SOCS7: variants seen among roughly 807,000 people sequenced by gnomAD.
The protein encoded by SOCS7 is suppressor of cytokine signaling 7.
Under a neutral mutation model 58.9 loss-of-function variants are expected in SOCS7, and 18 were observed. The observed-to-expected ratio is 0.31, with a 90% CI of 0.21 to 0.45. The LOEUF (loss-of-function observed/expected upper bound fraction) is 0.45, where lower values mean the gene tolerates loss of function less well. Ranked by LOEUF, SOCS7 falls within the 20% of genes least tolerant of loss-of-function variation. The pLI is 1.00. For missense variants in SOCS7, 667 were observed against 837.3 expected (o/e 0.80, Z 2.51); for synonymous variants, 388 against 364.3 (o/e 1.06, Z -0.74).
At chr17:38,395,562 A>G in intron 8 of SOCS7, 118 bp downstream of exon 8, 1 of 1,108,204 alleles carries the variant, frequency 9.0e-7, no homozygotes, top group East Asian at 2.4e-5. Flanking sequence ...AAATATTTGC[A>G]GATGTCATTC....
intron 9 of SOCS7, among the ~76,000 whole-genome samples, chr17:38,399,144 A>G (rs2038285666): frequency 6.6e-6 from 1 of 152,096 alleles, no homozygotes; most frequent in Admixed American, 6.5e-5. Flanking sequence ...GCCAGGTTCA[A>G]AAGGGGTTAC....
At chr17:38,369,438 G>T (rs1200184713) in intron 6 of SOCS7, among the ~76,000 whole-genome samples, 1 of 152,200 alleles carries the variant, frequency 6.6e-6, no homozygotes, top group East Asian at 1.9e-4. Context: ...ACCTGGGAAT[G>T]AATTAGATAA....
chr17:38,387,893 C>A (rs2038101433), intron 7 of SOCS7, among the ~76,000 whole-genome samples: 1 of 150,980 alleles, frequency 6.6e-6, no homozygotes, highest in Non-Finnish European at 1.5e-5. Context: ...CCCCAGCCTC[C>A]CATGTAGCTG....
rs972118820 is a variant in SOCS7 at position 38,400,887 on chromosome 17, G to A, written c.*1405G>A. 5.3e-5 allele frequency: 8 copies of A among 152,230 alleles called. No individual in the cohort carries two copies. Among genetic ancestry groups the A allele is most frequent in the African/African-American group, 1.9e-4 (8 of 41,448 alleles). 9.4% of individuals were successfully genotyped at this position (152,230 alleles called of 1,614,324 possible). A position where few individuals can be genotyped will look rare whatever the true frequency, so the allele number is the denominator to read the frequency against. On this transcript the variant is annotated 3_prime_UTR_variant, in exon 10 of 10. Transcript: ENST00000612932. Reference sequence around the variant, plus strand: ...TTGCTTTCTTATAGAGCTGCTCTGGGGAGAGGTTTGCTATTGAGATGTAAC... The same window carrying A: ...TTGCTTTCTTATAGAGCTGCTCTGGAGAGAGGTTTGCTATTGAGATGTAAC...
intron 7 of SOCS7, among the ~76,000 whole-genome samples, chr17:38,381,946 CAAAA>C (rs55949628): frequency 5.7e-4 from 10 of 17,662 alleles, no homozygotes; most frequent in East Asian, 3.5e-3. Flanking sequence ...GACTCTGTCT[CAAAA>C]AAAAAAAAAA....
At chr17:38,391,599 C>G (rs1004513188) in intron 7 of SOCS7, among the ~76,000 whole-genome samples, 1 of 152,012 alleles carries the variant, frequency 6.6e-6, no homozygotes, top group African/African-American at 2.4e-5. Context: ...GTCTCCCTCC[C>G]TATGTTGCCC....
chr17:38,386,114 C>G (rs1597705872), intron 7 of SOCS7, among the ~76,000 whole-genome samples: 2 of 151,926 alleles, frequency 1.3e-5, no homozygotes, highest in East Asian at 3.9e-4. Context: ...CACCTGAGGT[C>G]AAGAGTTTGA....
chr17:38,382,288 C>T (rs972324721), intron 7 of SOCS7, among the ~76,000 whole-genome samples: 1 of 151,406 alleles, frequency 6.6e-6, no homozygotes, highest in Admixed American at 6.6e-5. Context: ...AACAAAAAAG[C>T]CTAGCCACAT....
intron 6 of SOCS7, among the ~76,000 whole-genome samples, chr17:38,376,500 G>C (rs988895542): frequency 6.6e-6 from 1 of 152,118 alleles, no homozygotes; most frequent in Non-Finnish European, 1.5e-5. Flanking sequence ...GGGAGGCCGA[G>C]GCGAGTGGAT....
rs1281619203 is a variant in SOCS7 at position 38,404,861 on chromosome 17, T to G, written c.*5379T>G. On this transcript the variant is annotated 3_prime_UTR_variant, in exon 10 of 10. Transcript: ENST00000612932. ...GGTAGGGTCCAGGTGCCACTTTGGGTAGCTGGCTGTTGGAATGCCCACACT... is the reference window on the plus strand; with the variant it reads ...GGTAGGGTCCAGGTGCCACTTTGGGGAGCTGGCTGTTGGAATGCCCACACT... 1.3e-5 allele frequency: 2 copies of G among 152,264 alleles called. No individual in the cohort carries two copies. The highest frequency in any genetic ancestry group is 2.9e-5 in the Non-Finnish European group (2 of 68,078). 9.4% of individuals were successfully genotyped at this position (152,264 alleles called of 1,614,324 possible). A position where few individuals can be genotyped will look rare whatever the true frequency, so the allele number is the denominator to read the frequency against.
At chr17:38,370,515 T>G (rs1012804614) in intron 6 of SOCS7, among the ~76,000 whole-genome samples, 5 of 151,276 alleles carry the variant, frequency 3.3e-5, no homozygotes, top group Non-Finnish European at 7.4e-5. Context: ...TTAAAAAAAT[T>G]TTTTTAGTAG....
At chr17:38,387,099 AAAAAT>A (rs1225731301) in intron 7 of SOCS7, among the ~76,000 whole-genome samples, 15 of 92,586 alleles carry the variant, frequency 1.6e-4, no homozygotes, top group African/African-American at 7.4e-4. Context: ...AAAAAAAAAA[AAAAAT>A]ATATATATAT....
intron 6 of SOCS7, among the ~76,000 whole-genome samples, chr17:38,374,008 G>A (rs1385068779): frequency 6.6e-6 from 1 of 150,510 alleles, no homozygotes; most frequent in Non-Finnish European, 1.5e-5. Context: ...ATCACCTGAG[G>A]TCAGGAGTTT....
At chr17:38,358,210 T>C (rs1016816907) in intron 1 of SOCS7, among the ~76,000 whole-genome samples, 1 of 152,216 alleles carries the variant, frequency 6.6e-6, no homozygotes, top group Non-Finnish European at 1.5e-5. Context: ...CTGGCAAAGT[T>C]AGAGGGGTAT....
At chr17:38,383,028 A>T (rs1324179996) in intron 7 of SOCS7, among the ~76,000 whole-genome samples, 3 of 152,010 alleles carry the variant, frequency 2.0e-5, no homozygotes, top group African/African-American at 7.3e-5. Context: ...TGACAATCAC[A>T]TTATGTCTCC....
chr17:38,383,675 G>C (rs1261552739), intron 7 of SOCS7, among the ~76,000 whole-genome samples: 1 of 151,998 alleles, frequency 6.6e-6, no homozygotes, highest in Non-Finnish European at 1.5e-5. Flanking sequence ...CTCCTGAGTA[G>C]CTGGGATTAT....
At chr17:38,374,706 G>C (rs2037909688) in intron 6 of SOCS7, among the ~76,000 whole-genome samples, 1 of 152,230 alleles carries the variant, frequency 6.6e-6, no homozygotes, top group Admixed American at 6.5e-5. Flanking sequence ...AGAACTCATA[G>C]ATACCACATC....
At position 38,387,082 on chromosome 17, in the gene SOCS7, T is replaced by TAAA. The variant is rs1214323571; in HGVS notation, c.1682-8208_1682-8206dup. 1.6e-3 allele frequency among the ~76,000 whole-genome samples: 77 copies of TAAA among 48,660 alleles called. 3 individuals are homozygous for TAAA. Among genetic ancestry groups the TAAA allele is most frequent in the African/African-American group, 3.1e-3 (22 of 7,196 alleles). 31.9% of individuals were successfully genotyped at this position (48,660 alleles called of 152,430 possible). On this transcript the variant is annotated intron_variant, in intron 7 of 9. Transcript: ENST00000612932. ...GGGCGACAGAGCGAGACTCTTATCT[T>TAAA]AAAAAAAAAAAAAAAAAAAAATATA...
At position 38,352,447 on chromosome 17, in the gene SOCS7, C is replaced by G. The variant is rs1187829366; in HGVS notation, c.395C>G (p.Pro132Arg). 2 of 1,460,232 alleles carry G rather than the reference C, an allele frequency of 1.4e-6. No homozygotes were observed. Among genetic ancestry groups the G allele is most frequent in the East Asian group, 2.6e-5 (1 of 39,088 alleles). 90.5% of individuals were successfully genotyped at this position (1,460,232 alleles called of 1,614,324 possible). Reference sequence around the variant, plus strand: ...TTGGCGGCTCTGGGGCTCGGGCAGCCGGCGGGGCCGGGGGTCAAGACAGTC... The same window carrying G: ...TTGGCGGCTCTGGGGCTCGGGCAGCGGGCGGGGCCGGGGGTCAAGACAGTC... ...AQLAALGLGQPAGPGVKTVGG... is the reference protein window; with the variant it reads ...AQLAALGLGQRAGPGVKTVGG... Residue 132 changes from proline to arginine, a missense_variant, in exon 1 of 10, where the codon CCG (proline) becomes CGG (arginine). By Grantham distance (103) the Pro-to-Arg change is moderately radical. Around this residue, in one of 9 missense-constraint regions of SOCS7, gnomAD observed 154 missense variants for 156.3 expected, o/e 0.98. Transcript: ENST00000612932. The surrounding 1 kb of genome is among the most constrained non-coding windows in gnomAD (Gnocchi z 5.5).
Sources: gnomAD v4.1 joint callset for allele counts (sites outside exome capture counted in the v4.1 genomes callset) on GRCh38, gnomAD v4.1.1 for gene constraint, gnomAD v4.1.1 regional missense constraint, Gnocchi (gnomAD v3.1) non-coding constraint, MANE v1.5 for transcripts, NCBI Gene and HGNC (gene_info 2026-07-23, HGNC 2026-07-21) for gene names.